Variants in RASD2 observed in about 807,000 individuals in gnomAD.
The protein encoded by RASD2 is RASD family member 2, also known as GTP-binding protein Rhes.
A neutral mutation model predicts 15.8 loss-of-function variants in RASD2; 7 were observed. That is an observed-to-expected ratio of 0.44 (90% CI 0.25 to 0.83). The LOEUF (loss-of-function observed/expected upper bound fraction) is 0.83. Among genes scored for constraint, RASD2 ranks in the 40% least tolerant of loss-of-function variants. The pLI, the probability that RASD2 is intolerant of heterozygous loss-of-function variation, is 0.20. For missense variants in RASD2, 274 were observed against 382.8 expected, an observed-to-expected ratio of 0.72 and a Z score of 2.37; for synonymous variants, 155 against 153.6, an observed-to-expected ratio of 1.01 and a Z score of -0.07.
intron 1 of RASD2, 43 bp from the exon 2 acceptor site, chr22:35,546,758 G>C: frequency 6.3e-7 from 1 of 1,589,198 alleles, no homozygotes; most frequent in East Asian, 2.3e-5. Context: ...GGTGGGGCCA[G>C]GTCGGGGGGG....
At chr22:35,547,426 A>G (rs1209220612) in intron 2 of RASD2, among the ~76,000 whole-genome samples, 1 of 152,170 alleles carries the variant, frequency 6.6e-6, no homozygotes, top group African/African-American at 2.4e-5. Flanking sequence ...CCAGAGCTCC[A>G]GGGCCCAAGG....
chr22:35,546,699 C>T (rs958291661), intron 1 of RASD2, 102 bp from the exon 2 acceptor site: 10 of 1,436,524 alleles, frequency 7.0e-6, no homozygotes, highest in Middle Eastern at 3.7e-4. Context: ...TCCCATTTTA[C>T]AGACAGAAAA....
intron 1 of RASD2, among the ~76,000 whole-genome samples, chr22:35,546,273 A>G (rs1270403134): frequency 6.6e-6 from 1 of 152,158 alleles, no homozygotes; most frequent in East Asian, 1.9e-4. Context: ...CTGAATGGCC[A>G]CAGAACCACC....
intron 1 of RASD2, among the ~76,000 whole-genome samples, chr22:35,546,167 A>C (rs987562110): frequency 2.0e-5 from 3 of 152,150 alleles, no homozygotes; most frequent in Admixed American, 1.3e-4. Flanking sequence ...GCACAGGTCT[A>C]AAGGTGGGTC....
rs574137827 is a variant in RASD2 at position 35,542,205 on chromosome 22, C to T, written c.-10+705C>T. 2.6e-5 allele frequency among the ~76,000 whole-genome samples: 4 copies of T among 152,314 alleles called. No individual in the cohort carries two copies. The East Asian group carries it at 7.7e-4, about 29-fold the overall frequency. ...CCAGGTCAGGAGCCAGTGAATCAAG[C>T]CTCCTGTGGTGTCAGAGACAAGATG... On this transcript the variant is annotated intron_variant, in intron 1 of 2. Transcript: ENST00000216127.
intron 1 of RASD2, among the ~76,000 whole-genome samples, chr22:35,544,091 C>A (rs1367005772): frequency 6.6e-6 from 1 of 152,214 alleles, no homozygotes; most frequent in African/African-American, 2.4e-5. Context: ...TTGCTATCAA[C>A]TCGTCTGTAC....
rs756490502 is a variant in RASD2, at chr22:35,551,783, C to T, written c.552C>T (p.Tyr184=). The T allele has an allele frequency of 8.1e-6, 13 of 1,613,992 alleles. No homozygotes were observed. In the Admixed American group the frequency reaches 1.5e-4, roughly 19 times the overall value. Residue 184 remains tyrosine (Y), a synonymous_variant, in exon 3 of 3, where the codon TAC becomes TAT. Coordinates refer to ENST00000216127, the MANE Select transcript of RASD2 (RefSeq NM_014310.4). This position sits in a 1 kb window ranked among gnomAD's most constrained non-coding sequence, Gnocchi z 4.9. ...KKNTNVDEMF[Y]VLFSMAKLPH... is the part of the protein sequence containing the mutation. ...ACACCAACGTGGACGAGATGTTCTA[C>T]GTGCTCTTCAGCATGGCCAAGCTGC...
At chr22:35,535,274 C>T in the RASD2 span, among the ~76,000 whole-genome samples, 1 of 151,986 alleles carries the variant, frequency 6.6e-6, no homozygotes, top group East Asian at 1.9e-4. Flanking sequence ...TGTGATGGTG[C>T]ATGCCTGTAA....
At chr22:35,548,598 C>T (rs1039439119) in intron 2 of RASD2, among the ~76,000 whole-genome samples, 12 of 152,216 alleles carry the variant, frequency 7.9e-5, no homozygotes, top group Non-Finnish European at 1.2e-4. Context: ...GCCCTGCTGC[C>T]GCCTTGAGGC....
chr22:35,546,820 CTT>C lies in RASD2; in HGVS notation c.13_14del (p.Leu5ValfsTer40). On this transcript the variant is annotated frameshift_variant, in exon 2 of 3. Coordinates refer to ENST00000216127, the MANE Select transcript of RASD2 (RefSeq NM_014310.4). LOFTEE classifies it high-confidence loss of function. ...TTGCAGCCCCGAGCCATGATGAAGACTTTGTCCAGCGGGAACTGCACGCTCAG... is the reference window on the plus strand; with the variant it reads ...TTGCAGCCCCGAGCCATGATGAAGACTGTCCAGCGGGAACTGCACGCTCAG... The C allele has an allele frequency of 1.2e-6, 2 of 1,613,708 alleles. No homozygotes were observed. The highest frequency in any genetic ancestry group is 1.7e-6 in the Non-Finnish European group (2 of 1,179,824).
chr22:35,536,923 C>T (rs1934254872), upstream of RASD2, among the ~76,000 whole-genome samples: 1 of 152,192 alleles, frequency 6.6e-6, no homozygotes, highest in Non-Finnish European at 1.5e-5. Flanking sequence ...CTTAGGGGAG[C>T]TTTAAACCGT....
At chr22:35,544,178 A>T (rs1342024671) in intron 1 of RASD2, among the ~76,000 whole-genome samples, 1 of 152,112 alleles carries the variant, frequency 6.6e-6, no homozygotes, top group African/African-American at 2.4e-5. Flanking sequence ...CCCCTTTCCC[A>T]TCCTGTTTAG....
chr22:35,544,216 C>G (rs1228974008), intron 1 of RASD2, among the ~76,000 whole-genome samples: 1 of 152,238 alleles, frequency 6.6e-6, no homozygotes, highest in Non-Finnish European at 1.5e-5. Context: ...CAGAGTCAAG[C>G]TGTCTGCAGA....
intron 1 of RASD2, among the ~76,000 whole-genome samples, chr22:35,543,731 T>A (rs910170160): frequency 6.6e-6 from 1 of 152,018 alleles, no homozygotes; most frequent in Non-Finnish European, 1.5e-5. Flanking sequence ...ACAGAGGATT[T>A]TTTTTCTCTT....
At chr22:35,535,079 T>C in the RASD2 span, among the ~76,000 whole-genome samples, 1 of 152,168 alleles carries the variant, frequency 6.6e-6, no homozygotes, top group Non-Finnish European at 1.5e-5. Context: ...CAAACCTATT[T>C]GGATATTGAT....
intron 2 of RASD2, among the ~76,000 whole-genome samples, chr22:35,549,780 C>A (rs1043586924): frequency 6.6e-6 from 1 of 152,182 alleles, no homozygotes; most frequent in African/African-American, 2.4e-5. Context: ...CTGAATGTGC[C>A]ATGTGCCATT....
Position 35,551,915 on chromosome 22 carries a change from T to C in RASD2, c.684T>C (p.Tyr228=), listed in dbSNP as rs1173775644. 9 of 1,611,838 alleles carry C rather than the reference T, an allele frequency of 5.6e-6. No individual in the cohort carries two copies. In the South Asian group the frequency reaches 9.9e-5, roughly 18 times the overall value. The change falls in exon 3 of 3, where the codon TAT becomes TAC. Residue 228 remains tyrosine, a synonymous_variant. Transcript: ENST00000216127. This position sits in a 1 kb window ranked among gnomAD's most constrained non-coding sequence, Gnocchi z 4.9. ...GCCGCGTCAAGGAGATGGACGCCTATGGCATGGTCTCGCCCTTCGCCCGCC... is the reference window on the plus strand; with the variant it reads ...GCCGCGTCAAGGAGATGGACGCCTACGGCATGGTCTCGCCCTTCGCCCGCC... The part of the protein sequence containing the change: ...CMRRVKEMDA[Y]GMVSPFARRP...
intron 1 of RASD2, among the ~76,000 whole-genome samples, chr22:35,542,332 C>A (rs565373726): frequency 6.6e-6 from 1 of 152,246 alleles, no homozygotes; most frequent in African/African-American, 2.4e-5. Context: ...GAAAAGAACC[C>A]AGCATGTGTT....
intron 1 of RASD2, among the ~76,000 whole-genome samples, chr22:35,544,089 A>C (rs1283895645): frequency 2.6e-5 from 4 of 152,146 alleles, no homozygotes; most frequent in Non-Finnish European, 4.4e-5. Flanking sequence ...CATTGCTATC[A>C]ACTCGTCTGT....
Sources: gnomAD v4.1 joint callset for allele counts (sites outside exome capture counted in the v4.1 genomes callset) on GRCh38, gnomAD v4.1.1 for gene constraint, Gnocchi (gnomAD v3.1) non-coding constraint, MANE v1.5 for transcripts, NCBI Gene and HGNC (gene_info 2026-07-23, HGNC 2026-07-21) for gene names.